Variants in TENM2 observed in about 807,000 individuals in gnomAD.
TENM2 encodes teneurin-2.
Under a neutral mutation model 245.2 loss-of-function variants are expected in TENM2, and 52 were observed. The observed-to-expected ratio is 0.21, with a 90% CI of 0.17 to 0.27. TENM2 has a LOEUF of 0.27. Among genes scored for constraint, TENM2 ranks in the 10% least tolerant of loss-of-function variants. The probability of loss-of-function intolerance (pLI) is 1.00; values close to 1 mark genes in which losing one functional copy is unlikely to be tolerated. For missense variants in TENM2, 3,046 were observed against 3,666.8 expected (o/e 0.83, Z 4.37); for synonymous variants, 1,363 against 1,438.9 (o/e 0.95, Z 1.19).
At chr5:167,905,847 T>A (rs1285895754) in intron 3 of TENM2, among the ~76,000 whole-genome samples, 1 of 152,242 alleles carries the variant, frequency 6.6e-6, no homozygotes, top group East Asian at 1.9e-4. Flanking sequence ...TTCCACAATA[T>A]TAACTGCACC....
At chr5:167,222,085 G>GA in the TENM2 span, among the ~76,000 whole-genome samples, 5 of 152,042 alleles carry the variant, frequency 3.3e-5, no homozygotes, top group East Asian at 1.9e-4. Flanking sequence ...TGTTTCCTTA[G>GA]AAAAAAATTG....
At chr5:167,491,690 C>T (rs1318888452) in intron 2 of TENM2, among the ~76,000 whole-genome samples, 1 of 152,146 alleles carries the variant, frequency 6.6e-6, no homozygotes, top group Non-Finnish European at 1.5e-5. Flanking sequence ...GTCAAGGATA[C>T]CCAGCTCTCC....
At chr5:168,260,257 A>G (rs770061088) in intron 27 of TENM2, 26 bp from the exon 30 acceptor site, 1 of 1,612,878 alleles carries the variant, frequency 6.2e-7, no homozygotes, top group Non-Finnish European at 8.5e-7. Flanking sequence ...GATTTCAGAA[A>G]CCTTTATTTT....
At chr5:168,202,711 A>G (rs2152535939) in intron 17 of TENM2, among the ~76,000 whole-genome samples, 1 of 151,970 alleles carries the variant, frequency 6.6e-6, no homozygotes, top group East Asian at 1.9e-4. Flanking sequence ...AAATACATAG[A>G]GTTTTTTAAA....
At position 168,048,066 on chromosome 5, in the gene TENM2, A is replaced by G. The variant is rs543493476; in HGVS notation, c.1309+517A>G. ...CAGAGCTGCTGTGCTTTGGGGGAGA[A>G]TAGAAAGGAGTTTTGACAACTCGGC... is the stretch of plus-strand genomic sequence containing the variant. On this transcript the variant is annotated intron_variant, in intron 6 of 28. Transcript: ENST00000518659. Among the ~76,000 whole-genome samples, 20 of 152,328 alleles carry G rather than the reference A, an allele frequency of 1.3e-4. No individual in the cohort carries two copies. The South Asian group carries it at 1.5e-3, about 11-fold the overall frequency.
the TENM2 span, among the ~76,000 whole-genome samples, chr5:167,241,778 A>G: frequency 6.6e-6 from 1 of 152,148 alleles, no homozygotes; most frequent in East Asian, 1.9e-4. Flanking sequence ...TGATTTGAAA[A>G]ATGATTGCAA....
At chr5:167,121,165 A>C in the TENM2 span, among the ~76,000 whole-genome samples, 1 of 152,088 alleles carries the variant, frequency 6.6e-6, no homozygotes, top group African/African-American at 2.4e-5. Flanking sequence ...TTTAATTTTT[A>C]ACAACACAGA....
intron 2 of TENM2, among the ~76,000 whole-genome samples, chr5:167,452,950 T>TATATATTTTTTTTAA (rs1561968212): frequency 1.0e-5 from 1 of 99,630 alleles, no homozygotes; most frequent in African/African-American, 3.4e-5. Flanking sequence ...TATATATATA[T>TATATATTTTTTTTAA]ATATATATAT....
At chr5:168,012,858 T>C (rs1754367398) in intron 5 of TENM2, among the ~76,000 whole-genome samples, 1 of 151,334 alleles carries the variant, frequency 6.6e-6, no homozygotes, top group Non-Finnish European at 1.5e-5. Context: ...ATGTCCAAGG[T>C]TGGCAACCCT....
chr5:167,491,043 G>A (rs924337975), intron 2 of TENM2, among the ~76,000 whole-genome samples: 1 of 152,162 alleles, frequency 6.6e-6, no homozygotes, highest in Non-Finnish European at 1.5e-5. Flanking sequence ...GTGACACAAG[G>A]AATAAGCTAT....
At chr5:167,629,974 A>C (rs1226073859) in intron 2 of TENM2, among the ~76,000 whole-genome samples, 1 of 152,158 alleles carries the variant, frequency 6.6e-6, no homozygotes, top group East Asian at 1.9e-4. Flanking sequence ...CAAGTAGAGC[A>C]GTCCTCCCTT....
At chr5:167,697,892 C>A (rs1757873660) in intron 2 of TENM2, among the ~76,000 whole-genome samples, 1 of 152,116 alleles carries the variant, frequency 6.6e-6, no homozygotes, top group Non-Finnish European at 1.5e-5. Context: ...TATCACCATC[C>A]CTAGCTGTTA....
At chr5:167,495,844 T>C (rs979214098) in intron 2 of TENM2, among the ~76,000 whole-genome samples, 1 of 152,148 alleles carries the variant, frequency 6.6e-6, no homozygotes, top group Non-Finnish European at 1.5e-5. Flanking sequence ...TCTAACATTA[T>C]ATAGTCAGTA....
chr5:167,941,634 G>T (rs1020568587), intron 3 of TENM2, among the ~76,000 whole-genome samples: 9 of 150,154 alleles, frequency 6.0e-5, no homozygotes, highest in African/African-American at 2.2e-4. Context: ...ATTGCTTGGG[G>T]TCAGGAGTTC....
the TENM2 span, among the ~76,000 whole-genome samples, chr5:166,993,813 G>T: frequency 6.6e-6 from 1 of 152,150 alleles, no homozygotes; most frequent in African/African-American, 2.4e-5. Flanking sequence ...GAGGATATCT[G>T]TGGGAAATAG....
At chr5:167,189,284 G>A in the TENM2 span, among the ~76,000 whole-genome samples, 7 of 152,166 alleles carry the variant, frequency 4.6e-5, no homozygotes, top group South Asian at 4.1e-4. Context: ...TATTTGTTAC[G>A]TAGTGTGGAA....
intron 23 of TENM2, among the ~76,000 whole-genome samples, 152 bp from the exon 26 acceptor site, chr5:168,225,936 G>A (rs992536198): frequency 2.0e-5 from 3 of 151,992 alleles, no homozygotes; most frequent in African/African-American, 7.3e-5. Context: ...GGCATAATAG[G>A]GTTTTGACTG....
intron 2 of TENM2, among the ~76,000 whole-genome samples, chr5:167,458,519 C>T (rs1238792568): frequency 3.9e-5 from 5 of 128,438 alleles, no homozygotes; most frequent in Non-Finnish European, 6.8e-5. Context: ...AAAAAAAAGA[C>T]ATTTTTGGTT....
At chr5:167,987,105 G>A (rs1178943730) in intron 4 of TENM2, among the ~76,000 whole-genome samples, 2 of 152,138 alleles carry the variant, frequency 1.3e-5, no homozygotes, top group Admixed American at 1.3e-4. Flanking sequence ...TATAGAGCTT[G>A]AGAGATGAGA....
Sources: gnomAD v4.1 joint callset for allele counts (sites outside exome capture counted in the v4.1 genomes callset) on GRCh38, gnomAD v4.1.1 for gene constraint, MANE v1.5 for transcripts, NCBI Gene and HGNC (gene_info 2026-07-23, HGNC 2026-07-21) for gene names.